PPP2R2B: variants seen among roughly 807,000 people sequenced by gnomAD.
The protein encoded by PPP2R2B is serine/threonine-protein phosphatase 2A 55 kDa regulatory subunit B beta isoform.
In PPP2R2B, 5 loss-of-function variants were observed where a neutral mutation model predicts 46.0. The observed-to-expected ratio is 0.11, with a 90% CI of 0.06 to 0.23. The LOEUF (loss-of-function observed/expected upper bound fraction) is 0.23, where lower values mean the gene tolerates loss of function less well. Among genes scored for constraint, PPP2R2B ranks in the 10% least tolerant of loss-of-function variants. The probability of loss-of-function intolerance (pLI) is 1.00; values close to 1 mark genes in which losing one functional copy is unlikely to be tolerated. For missense variants in PPP2R2B, 367 were observed against 575.0 expected (o/e 0.64, Z 3.70); for synonymous variants, 215 against 206.7 (o/e 1.04, Z -0.34).
chr5:146,977,840 G>A lies in PPP2R2B; in HGVS notation c.79+77825C>T, dbSNP rs141513059. On this transcript the variant is annotated intron_variant, in intron 1 of 8. Coordinates refer to the PPP2R2B transcript ENST00000336640. Reference sequence around the variant, plus strand: ...GAATAGTGCTGCAATAAACATACACGTACATGTGTCTTTATAGTAGAATGA... The same window carrying A: ...GAATAGTGCTGCAATAAACATACACATACATGTGTCTTTATAGTAGAATGA... Among the ~76,000 whole-genome samples the A allele has an allele frequency of 2.1e-3, 316 of 152,210 alleles. 1 individual carries two copies. Among genetic ancestry groups the A allele is most frequent in the African/African-American group, 7.3e-3 (302 of 41,548 alleles).
chr5:146,964,403 T>C (rs1380649247), intron 1 of PPP2R2B, among the ~76,000 whole-genome samples: 1 of 152,078 alleles, frequency 6.6e-6, no homozygotes, highest in East Asian at 1.9e-4. Flanking sequence ...TGCTAAATAG[T>C]TTGACTTGGT....
At chr5:146,817,542 T>G (rs1469772953) in intron 2 of PPP2R2B, among the ~76,000 whole-genome samples, 1 of 152,254 alleles carries the variant, frequency 6.6e-6, no homozygotes, top group African/African-American at 2.4e-5. Flanking sequence ...TTTTTTTTAT[T>G]GTGAGCCTTT....
intron 4 of PPP2R2B, among the ~76,000 whole-genome samples, chr5:146,693,379 G>C (rs1007038394): frequency 6.6e-6 from 1 of 151,910 alleles, no homozygotes; most frequent in South Asian, 2.1e-4. Flanking sequence ...CACGCCCAGA[G>C]AATTTTTCTA....
Position 147,030,751 on chromosome 5 carries a change from CT to C in PPP2R2B, c.79+24913del, listed in dbSNP as rs371454667. On this transcript the variant is annotated intron_variant, in intron 1 of 8. Coordinates refer to the PPP2R2B transcript ENST00000336640. ...CCGAAAGTCTAAGAGAGCTTAATAACTTTAACTCCCTTAATCCCTTCCTTCT... is the reference window on the plus strand; with the variant it reads ...CCGAAAGTCTAAGAGAGCTTAATAACTTAACTCCCTTAATCCCTTCCTTCT... Among the ~76,000 whole-genome samples the C allele has an allele frequency of 1.2e-3, 186 of 152,266 alleles. 3 individuals are homozygous for C. The highest frequency in any genetic ancestry group is 4.4e-3 in the African/African-American group (183 of 41,578).
At chr5:146,662,432 C>T (rs930849910) in intron 5 of PPP2R2B, among the ~76,000 whole-genome samples, 36 of 152,266 alleles carry the variant, frequency 2.4e-4, no homozygotes, top group African/African-American at 8.7e-4. Context: ...GATTCCCAAC[C>T]TTGGCTGCAC....
intron 2 of PPP2R2B, among the ~76,000 whole-genome samples, chr5:146,821,661 A>G (rs1758269095): frequency 6.6e-6 from 1 of 152,204 alleles, no homozygotes; most frequent in Non-Finnish European, 1.5e-5. Flanking sequence ...TCAAAAAAAG[A>G]TAATAGAGTT....
chr5:146,880,125 TTGAC>T (rs1045506815), upstream of PPP2R2B, among the ~76,000 whole-genome samples: 4 of 151,916 alleles, frequency 2.6e-5, no homozygotes, highest in African/African-American at 7.3e-5. Flanking sequence ...TCTCCAGAAA[TTGAC>T]TGCATATCCC....
In PPP2R2B at chr5:146,650,753, A is replaced by G. The variant is rs182719650; in HGVS notation, c.448-29T>C. On this transcript the variant is annotated intron_variant, in intron 5 of 9. Coordinates refer to ENST00000394411, the MANE Select transcript of PPP2R2B (RefSeq NM_181675.4). ...GGATGCAAGAGAAACAAATCACTTC[A>G]GAACCAAAGATCTTCCATAGGAAAA... The G allele has an allele frequency of 3.9e-4, 624 of 1,595,162 alleles. 8 individuals carry two copies. In the African/African-American group the frequency reaches 7.3e-3, roughly 19 times the overall value.
chr5:146,848,259 A>C (rs1760127127), intron 2 of PPP2R2B, among the ~76,000 whole-genome samples: 1 of 152,222 alleles, frequency 6.6e-6, no homozygotes, highest in African/African-American at 2.4e-5. Context: ...TATTGTGAAT[A>C]TCTTATGTTA....
chr5:146,979,712 A>G (rs1753079408), intron 1 of PPP2R2B, among the ~76,000 whole-genome samples: 1 of 152,196 alleles, frequency 6.6e-6, no homozygotes, highest in Non-Finnish European at 1.5e-5. Flanking sequence ...TTTACCTCAT[A>G]CATACATACC....
intron 1 of PPP2R2B, among the ~76,000 whole-genome samples, chr5:146,926,500 T>C (rs2151818503): frequency 6.6e-6 from 1 of 152,268 alleles, no homozygotes; most frequent in Non-Finnish European, 1.5e-5. Context: ...TATGCCATTC[T>C]CCTGCCTCAG....
intron 2 of PPP2R2B, among the ~76,000 whole-genome samples, chr5:146,777,166 T>C (rs1179484230): frequency 6.6e-6 from 1 of 152,060 alleles, no homozygotes; most frequent in African/African-American, 2.4e-5. Context: ...AAATAGATAC[T>C]TATATACCAA....
intron 2 of PPP2R2B, among the ~76,000 whole-genome samples, chr5:146,793,727 A>C (rs1241144548): frequency 6.6e-6 from 1 of 152,158 alleles, no homozygotes; most frequent in Non-Finnish European, 1.5e-5. Context: ...GAATTTTTAA[A>C]TCAGCTGATA....
intron 2 of PPP2R2B, among the ~76,000 whole-genome samples, chr5:146,865,510 C>A (rs113664188): frequency 1.3e-5 from 2 of 152,234 alleles, no homozygotes; most frequent in South Asian, 4.1e-4. Context: ...TTCATATTCA[C>A]GTGTGTTTTT....
At chr5:146,921,974 G>A (rs1763622688) in intron 1 of PPP2R2B, among the ~76,000 whole-genome samples, 1 of 152,122 alleles carries the variant, frequency 6.6e-6, no homozygotes. Context: ...CTTAAGGTAG[G>A]TATATCTTCA....
chr5:147,060,725 A>G (rs1247639658), upstream of PPP2R2B, among the ~76,000 whole-genome samples: 1 of 152,224 alleles, frequency 6.6e-6, no homozygotes, highest in African/African-American at 2.4e-5. Flanking sequence ...CAACATATAC[A>G]GCTCCTGAGC....
At chr5:146,829,487 T>G (rs1429200159) in intron 2 of PPP2R2B, among the ~76,000 whole-genome samples, 1 of 152,188 alleles carries the variant, frequency 6.6e-6, no homozygotes. Context: ...ATTGTTCTTC[T>G]GAAGCCAAGC....
intron 1 of PPP2R2B, among the ~76,000 whole-genome samples, chr5:147,037,020 A>G (rs1015177842): frequency 6.6e-6 from 1 of 152,192 alleles, no homozygotes; most frequent in South Asian, 2.1e-4. Flanking sequence ...AAGTTTTTAG[A>G]TGAGCAAACT....
chr5:147,026,210 C>T (rs564785803), intron 1 of PPP2R2B, among the ~76,000 whole-genome samples: 180 of 152,054 alleles, frequency 1.2e-3, no homozygotes, highest in Non-Finnish European at 1.9e-3. Context: ...TAATAATAGC[C>T]CCAAACTGGA....
Sources: allele counts gnomAD v4.1 joint callset (sites outside exome capture counted in the v4.1 genomes callset), GRCh38; gene constraint gnomAD v4.1.1; transcripts MANE v1.5; gene names NCBI Gene and HGNC (gene_info 2026-07-23, HGNC 2026-07-21).